Variants in SGCZ observed in about 807,000 individuals in gnomAD.
SGCZ encodes sarcoglycan zeta, also known as zeta-sarcoglycan.
In SGCZ, 40 loss-of-function variants were observed where a neutral mutation model predicts 41.3. That is an observed-to-expected ratio of 0.97 (90% CI 0.75 to 1.26). SGCZ has a LOEUF of 1.26. Ranked by LOEUF, SGCZ falls within the 50% of genes most tolerant of loss-of-function variation. The pLI is 0.00. For synonymous variants in SGCZ, 206 were observed against 137.5 expected, an observed-to-expected ratio of 1.50 and a Z score of -3.49; for missense variants, 552 against 369.8, an observed-to-expected ratio of 1.49 and a Z score of -4.04.
intron 1 of SGCZ, among the ~76,000 whole-genome samples, chr8:14,990,114 G>T (rs1166528052): frequency 5.3e-5 from 8 of 152,174 alleles, no homozygotes; most frequent in Non-Finnish European, 1.2e-4. Context: ...CCTGCACACA[G>T]CCTGGTCTTC....
intron 3 of SGCZ, among the ~76,000 whole-genome samples, chr8:14,273,703 T>G (rs1342293693): frequency 2.0e-5 from 3 of 152,270 alleles, no homozygotes; most frequent in African/African-American, 7.2e-5. Context: ...GGGTAAACTC[T>G]TTCAATATCC....
chr8:15,037,250 G>A (rs908579716), intron 1 of SGCZ, among the ~76,000 whole-genome samples: 5 of 152,136 alleles, frequency 3.3e-5, no homozygotes, highest in Admixed American at 6.5e-5. Context: ...TGCTAATCTC[G>A]TGATAGTGAG....
At chr8:14,890,796 G>A (rs546829685) in intron 1 of SGCZ, among the ~76,000 whole-genome samples, 4 of 152,256 alleles carry the variant, frequency 2.6e-5, no homozygotes, top group Admixed American at 2.0e-4. Context: ...CAAAGGACAG[G>A]CTATCTTGTT....
At chr8:14,784,969 T>C (rs1422197431) in intron 1 of SGCZ, among the ~76,000 whole-genome samples, 2 of 140,496 alleles carry the variant, frequency 1.4e-5, no homozygotes, top group Non-Finnish European at 3.1e-5. Flanking sequence ...ATATATATAA[T>C]ATATATATTT....
intron 4 of SGCZ, among the ~76,000 whole-genome samples, chr8:14,212,495 C>T (rs1257679771): frequency 1.4e-5 from 2 of 141,020 alleles, no homozygotes; most frequent in Non-Finnish European, 3.0e-5. Flanking sequence ...AAAAAAGTTG[C>T]CAGAGCTCAG....
intron 2 of SGCZ, among the ~76,000 whole-genome samples, chr8:14,341,646 CAG>C (rs1256092708): frequency 6.6e-6 from 1 of 152,132 alleles, no homozygotes; most frequent in Non-Finnish European, 1.5e-5. Context: ...TTGTATCTCC[CAG>C]AATTCCCATG....
intron 1 of SGCZ, among the ~76,000 whole-genome samples, chr8:14,899,942 C>T (rs970417469): frequency 7.9e-5 from 12 of 152,086 alleles, no homozygotes; most frequent in African/African-American, 1.4e-4. Context: ...GTGACCTGTA[C>T]GTAGTTCTAG....
At chr8:14,271,206 A>G (rs1265547455) in intron 3 of SGCZ, among the ~76,000 whole-genome samples, 1 of 152,194 alleles carries the variant, frequency 6.6e-6, no homozygotes, top group African/African-American at 2.4e-5. Flanking sequence ...ATTAAAAAAA[A>G]AAAGGAAATG....
chr8:15,174,430 T>C (rs539841368), intron 1 of SGCZ, among the ~76,000 whole-genome samples: 2 of 152,302 alleles, frequency 1.3e-5, no homozygotes, highest in East Asian at 1.9e-4. Context: ...ACCCCAGAAC[T>C]TGCTTCATTA....
At chr8:14,829,164 A>G (rs1003904486) in intron 1 of SGCZ, among the ~76,000 whole-genome samples, 1 of 113,732 alleles carries the variant, frequency 8.8e-6, no homozygotes, top group Non-Finnish European at 1.7e-5. Flanking sequence ...AGTACCGATT[A>G]TTTATTTTTC....
intron 1 of SGCZ, among the ~76,000 whole-genome samples, chr8:14,671,359 C>G (rs192261756): frequency 1.1e-4 from 17 of 152,172 alleles, no homozygotes; most frequent in African/African-American, 4.1e-4. Context: ...GGTGTTAAAA[C>G]CCTTTTATTA....
chr8:14,145,826 T>C (rs1803505354), intron 5 of SGCZ, among the ~76,000 whole-genome samples: 1 of 152,156 alleles, frequency 6.6e-6, no homozygotes, highest in East Asian at 1.9e-4. Context: ...ACATTAGAGT[T>C]CTTTAATGGC....
At chr8:14,669,342 A>G (rs1408616482) in intron 1 of SGCZ, among the ~76,000 whole-genome samples, 1 of 134,036 alleles carries the variant, frequency 7.5e-6, no homozygotes, top group African/African-American at 2.8e-5. Flanking sequence ...TGGACAACAG[A>G]GCAAGACCCT....
chr8:15,213,874 TA>T (rs1273469824), intron 1 of SGCZ, among the ~76,000 whole-genome samples: 1 of 152,036 alleles, frequency 6.6e-6, no homozygotes, highest in Non-Finnish European at 1.5e-5. Flanking sequence ...TTTCTCTTTT[TA>T]AAAAACCACA....
intron 1 of SGCZ, among the ~76,000 whole-genome samples, chr8:14,964,032 G>C (rs543995859): frequency 6.6e-6 from 1 of 152,070 alleles, no homozygotes; most frequent in South Asian, 2.1e-4. Flanking sequence ...CCTATGCAAA[G>C]GTTACAAGGC....
At chr8:14,356,593 C>T (rs17119193) in intron 2 of SGCZ, among the ~76,000 whole-genome samples, 3,985 of 151,894 alleles carry the variant, frequency 0.026, 140 homozygotes, top group African/African-American at 0.09. Context: ...TAATCAAATG[C>T]CTTTTTAGCC....
chr8:14,174,334 G>A (rs1401499438), intron 4 of SGCZ, among the ~76,000 whole-genome samples: 1 of 152,104 alleles, frequency 6.6e-6, no homozygotes, highest in Non-Finnish European at 1.5e-5. Context: ...GTAGTCACAT[G>A]TACATGGTTC....
At chr8:14,930,817 C>A (rs1303815131) in intron 1 of SGCZ, among the ~76,000 whole-genome samples, 1 of 151,670 alleles carries the variant, frequency 6.6e-6, no homozygotes, top group Admixed American at 6.6e-5. Context: ...CATCACACAC[C>A]AGGGCTTGTC....
At chr8:15,029,030 T>TA (rs1171670735) in intron 1 of SGCZ, among the ~76,000 whole-genome samples, 1 of 152,118 alleles carries the variant, frequency 6.6e-6, no homozygotes, top group Non-Finnish European at 1.5e-5. Flanking sequence ...AACTACCTGT[T>TA]ACAACATCAA....
Sources: gnomAD v4.1 joint callset for allele counts (sites outside exome capture counted in the v4.1 genomes callset) on GRCh38, gnomAD v4.1.1 for gene constraint, MANE v1.5 for transcripts, NCBI Gene and HGNC (gene_info 2026-07-23, HGNC 2026-07-21) for gene names.